SMOC1: variants seen among roughly 807,000 people sequenced by gnomAD.
SMOC1 encodes SPARC related modular calcium binding 1.
A neutral mutation model predicts 56.3 loss-of-function variants in SMOC1; 22 were observed. The observed-to-expected ratio is 0.39, with a 90% CI of 0.28 to 0.56. SMOC1 has a LOEUF of 0.56. Ranked by LOEUF, SMOC1 falls within the 20% of genes least tolerant of loss-of-function variation. SMOC1 has a pLI of 0.61. For synonymous variants in SMOC1, 193 were observed against 215.0 expected (o/e 0.90, Z 0.89); for missense variants, 509 against 565.4 (o/e 0.90, Z 1.01).
chr14:69,918,632 C>T (rs976427460), intron 1 of SMOC1, among the ~76,000 whole-genome samples: 4 of 152,160 alleles, frequency 2.6e-5, no homozygotes, highest in Admixed American at 6.5e-5. Context: ...ACAGAACTTC[C>T]GTGTGCCTTG....
intron 1 of SMOC1, chr14:69,886,088 A>T: frequency 6.3e-7 from 1 of 1,574,926 alleles, no homozygotes; most frequent in Non-Finnish European, 8.6e-7. Context: ...CTTCTTCACG[A>T]CAGCTGGGGC....
chr14:70,000,985 G>A (rs779413480), intron 7 of SMOC1, among the ~76,000 whole-genome samples: 1 of 152,144 alleles, frequency 6.6e-6, no homozygotes, highest in Non-Finnish European at 1.5e-5. Context: ...CAGGTTAGGT[G>A]TGGCTCACAG....
rs141184707 is a variant in SMOC1 at position 69,886,117 on chromosome 14, C to T, written c.99+6340C>T. ...CTGGGGCCGGAGCCACCTTCTTTCC[C>T]TTGGCCTTCTTTCCTTTCGGCATCT... On this transcript the variant is annotated intron_variant, in intron 1 of 11. Transcript: ENST00000361956. 4,381 of 1,541,772 alleles carry T rather than the reference C, an allele frequency of 2.8e-3. 124 individuals are homozygous for T. In the African/African-American group the frequency reaches 0.053, roughly 19 times the overall value.
At chr14:70,028,686 G>C (rs938128399) in intron 11 of SMOC1, among the ~76,000 whole-genome samples, 4 of 152,210 alleles carry the variant, frequency 2.6e-5, no homozygotes, top group African/African-American at 9.7e-5. Flanking sequence ...AGCAAGGAGA[G>C]AAGCAGCTGC....
At chr14:69,969,952 CT>C (rs1176899019) in intron 3 of SMOC1, among the ~76,000 whole-genome samples, 1 of 152,126 alleles carries the variant, frequency 6.6e-6, no homozygotes, top group Non-Finnish European at 1.5e-5. Context: ...AAGTGGGCAC[CT>C]GCAGAGAGAC....
chr14:69,986,350 G>A (rs909844894), intron 5 of SMOC1, among the ~76,000 whole-genome samples: 31 of 151,408 alleles, frequency 2.0e-4, no homozygotes, highest in African/African-American at 7.3e-4. Flanking sequence ...GGTTACCTGA[G>A]TCTACACGTG....
At chr14:69,956,079 GT>G (rs1214072778) in intron 3 of SMOC1, among the ~76,000 whole-genome samples, 1 of 152,214 alleles carries the variant, frequency 6.6e-6, no homozygotes, top group Non-Finnish European at 1.5e-5. Context: ...AGACCAGGTG[GT>G]GTTTACTGAG....
intron 5 of SMOC1, among the ~76,000 whole-genome samples, chr14:69,981,094 GCCC>G (rs1884163571): frequency 6.6e-6 from 1 of 152,208 alleles, no homozygotes; most frequent in African/African-American, 2.4e-5. Context: ...GGGGGAGGAG[GCCC>G]AGAGAGATGG....
At chr14:69,929,144 C>T (rs1885096249) in intron 1 of SMOC1, among the ~76,000 whole-genome samples, 1 of 152,162 alleles carries the variant, frequency 6.6e-6, no homozygotes, top group African/African-American at 2.4e-5. Flanking sequence ...GCATCTGCCA[C>T]ATCAGAGATC....
chr14:69,985,496 C>A (rs1017538433), intron 5 of SMOC1, among the ~76,000 whole-genome samples: 33 of 150,002 alleles, frequency 2.2e-4, no homozygotes, highest in East Asian at 7.7e-4. Flanking sequence ...AGAAAAAAAA[C>A]CCCAAATGTC....
At chr14:69,899,179 C>T (rs930872739) in intron 1 of SMOC1, among the ~76,000 whole-genome samples, 25 of 152,142 alleles carry the variant, frequency 1.6e-4, no homozygotes, top group South Asian at 2.1e-4. Context: ...GGCCTTGTTA[C>T]GGGAACAGAA....
At chr14:70,013,323 T>G (rs1885401304) in intron 9 of SMOC1, 63 bp from the exon 10 acceptor site, 60 of 1,431,576 alleles carry the variant, frequency 4.2e-5, no homozygotes, top group Non-Finnish European at 5.5e-5. Flanking sequence ...GGATGGTAGT[T>G]GAGAAAGCTG....
chr14:69,978,114 A>C, intron 5 of SMOC1, 149 bp downstream of exon 5: 1 of 737,692 alleles, frequency 1.4e-6, no homozygotes, highest in Non-Finnish European at 2.4e-6. Context: ...TTCCTCTCTG[A>C]AGCACCCGAG....
At chr14:69,956,466 T>C (rs1883190071) in intron 3 of SMOC1, among the ~76,000 whole-genome samples, 1 of 150,430 alleles carries the variant, frequency 6.6e-6, no homozygotes, top group Admixed American at 6.6e-5. Flanking sequence ...TTTTTTTTTT[T>C]CTCCTAAGAC....
chr14:69,940,000 T>C (rs922012881), intron 1 of SMOC1, among the ~76,000 whole-genome samples: 2 of 152,230 alleles, frequency 1.3e-5, no homozygotes, highest in Admixed American at 6.5e-5. Flanking sequence ...TGTTTCTCTT[T>C]GCCATCTAGC....
chr14:69,914,592 A>G (rs1443702968), intron 1 of SMOC1, among the ~76,000 whole-genome samples: 4 of 152,082 alleles, frequency 2.6e-5, no homozygotes, highest in East Asian at 1.9e-4. Flanking sequence ...AAACAAACAA[A>G]CAAACAAACA....
rs1269183202 is a variant in SMOC1 at position 70,030,649 on chromosome 14, G to T, written c.*391G>T. On this transcript the variant is annotated 3_prime_UTR_variant, in exon 12 of 12. Coordinates refer to ENST00000361956, the MANE Select transcript of SMOC1 (RefSeq NM_001034852.3). ...GTTCTTTTGTACAGGCATTGGCATTGCTGTTTGTTTATTTCTCTCCCTCTG... is the reference window on the plus strand; with the variant it reads ...GTTCTTTTGTACAGGCATTGGCATTTCTGTTTGTTTATTTCTCTCCCTCTG... 5.2e-6 allele frequency: 1 copy of T among 193,902 alleles called. No individual in the cohort carries two copies. The highest frequency in any genetic ancestry group is 1.3e-4 in the East Asian group (1 of 7,730). 12.0% of individuals were successfully genotyped at this position (193,902 alleles called of 1,614,324 possible).
At chr14:69,885,535 G>A (rs1054033657) in intron 1 of SMOC1, 12 of 1,597,866 alleles carry the variant, frequency 7.5e-6, no homozygotes, top group East Asian at 2.2e-5. Context: ...GTGTGAAGGC[G>A]ACAGTGGTGC....
intron 10 of SMOC1, among the ~76,000 whole-genome samples, chr14:70,020,451 G>A (rs1365302830): frequency 1.3e-5 from 2 of 152,172 alleles, no homozygotes; most frequent in East Asian, 1.9e-4. Context: ...TTTGGCAGCC[G>A]AAGGAGTTCA....
Sources: gnomAD v4.1 joint callset for allele counts (sites outside exome capture counted in the v4.1 genomes callset) on GRCh38, gnomAD v4.1.1 for gene constraint, MANE v1.5 for transcripts, NCBI Gene and HGNC (gene_info 2026-07-23, HGNC 2026-07-21) for gene names.